CCSER1: variants seen among roughly 807,000 people sequenced by gnomAD.
CCSER1 encodes the protein serine-rich coiled-coil domain-containing protein 1.
Under a neutral mutation model 82.0 loss-of-function variants are expected in CCSER1, and 41 were observed. The observed-to-expected ratio is 0.50, with a 90% confidence interval of 0.39 to 0.65. The LOEUF (loss-of-function observed/expected upper bound fraction) is 0.65, where lower values mean the gene tolerates loss of function less well. CCSER1 is among the 30% of genes least tolerant of loss of function. The pLI is 0.00. For missense variants in CCSER1, 1,119 were observed against 1,064.2 expected, an observed-to-expected ratio of 1.05 and a Z score of -0.72; for synonymous variants, 414 against 383.9, an observed-to-expected ratio of 1.08 and a Z score of -0.92.
intron 6 of CCSER1, among the ~76,000 whole-genome samples, chr4:90,657,882 T>C (rs1729994330): frequency 6.6e-6 from 1 of 152,194 alleles, no homozygotes; most frequent in South Asian, 2.1e-4. Context: ...GGAGGGTGGA[T>C]TGCTTGAGGC....
intron 8 of CCSER1, among the ~76,000 whole-genome samples, chr4:90,822,386 C>T (rs970418127): frequency 2.0e-5 from 3 of 152,198 alleles, no homozygotes; most frequent in Admixed American, 1.3e-4. Context: ...TCTAGCCGAT[C>T]GGGGTAAAAT....
At chr4:91,567,671 G>T (rs1578809907) in intron 10 of CCSER1, among the ~76,000 whole-genome samples, 1 of 151,840 alleles carries the variant, frequency 6.6e-6, no homozygotes, top group East Asian at 1.9e-4. Context: ...TTTGAAATTT[G>T]TTTTGTCTGA....
chr4:90,701,963 A>G (rs1331665175), intron 6 of CCSER1, among the ~76,000 whole-genome samples: 5 of 152,054 alleles, frequency 3.3e-5, no homozygotes, highest in Non-Finnish European at 5.9e-5. Flanking sequence ...AATATGCTTT[A>G]TTTCTTTCTC....
chr4:90,337,998 T>G (rs1289294973), intron 3 of CCSER1, among the ~76,000 whole-genome samples: 1 of 152,204 alleles, frequency 6.6e-6, no homozygotes, highest in African/African-American at 2.4e-5. Flanking sequence ...TCCTCACAGT[T>G]TAGTTGAAGG....
At position 90,847,268 on chromosome 4, in the gene CCSER1, A is replaced by G. The variant is rs1763334090; in HGVS notation, c.2094+31423A>G. Among the ~76,000 whole-genome samples the G allele has an allele frequency of 1.3e-5, 2 of 152,174 alleles. 1 individual carries two copies. The highest frequency in any genetic ancestry group is 4.1e-4 in the South Asian group (2 of 4,828). On this transcript the variant is annotated intron_variant, in intron 8 of 10. Transcript: ENST00000509176. ...AAAAAAATGATTTCCATTCCATTTA[A>G]AGAACACTGGGACAGATGTATGCAT...
chr4:91,273,519 G>T (rs568676366), intron 10 of CCSER1, among the ~76,000 whole-genome samples: 9 of 152,170 alleles, frequency 5.9e-5, no homozygotes, highest in Non-Finnish European at 1.0e-4. Context: ...AGTCTTTAGG[G>T]TTTTCTAGGA....
chr4:90,242,050 T>C (rs895772234), intron 1 of CCSER1, among the ~76,000 whole-genome samples: 3 of 152,214 alleles, frequency 2.0e-5, no homozygotes, highest in Admixed American at 6.5e-5. Flanking sequence ...CTCCCACCTA[T>C]AATCCCAGCA....
At chr4:91,214,503 A>C (rs1401123242) in intron 10 of CCSER1, among the ~76,000 whole-genome samples, 1 of 152,184 alleles carries the variant, frequency 6.6e-6, no homozygotes, top group Non-Finnish European at 1.5e-5. Flanking sequence ...AATGCTACTT[A>C]AAATTCTTTT....
intron 4 of CCSER1, among the ~76,000 whole-genome samples, chr4:90,420,102 T>C (rs1321701589): frequency 6.6e-6 from 1 of 151,996 alleles, no homozygotes; most frequent in African/African-American, 2.4e-5. Context: ...CACAAGACTA[T>C]ATAATTATCG....
chr4:90,661,012 T>A (rs1026264176), intron 6 of CCSER1, among the ~76,000 whole-genome samples: 5 of 152,156 alleles, frequency 3.3e-5, no homozygotes, highest in African/African-American at 9.6e-5. Flanking sequence ...CTGGAATAAA[T>A]AACTGCTGTA....
chr4:90,605,860 C>T (rs1784636193), intron 5 of CCSER1, among the ~76,000 whole-genome samples: 1 of 151,838 alleles, frequency 6.6e-6, no homozygotes, highest in South Asian at 2.1e-4. Flanking sequence ...TTGAGTTCAA[C>T]AATGTATTCT....
At chr4:90,935,482 A>C (rs911677364) in intron 9 of CCSER1, among the ~76,000 whole-genome samples, 1 of 152,202 alleles carries the variant, frequency 6.6e-6, no homozygotes, top group African/African-American at 2.4e-5. Context: ...TTTTTTAAAA[A>C]TAAATAAACT....
chr4:90,633,700 G>T (rs1452071286), intron 6 of CCSER1, among the ~76,000 whole-genome samples: 2 of 151,686 alleles, frequency 1.3e-5, no homozygotes, highest in Non-Finnish European at 3.0e-5. Flanking sequence ...TAAAATTATT[G>T]GTATAAAGCC....
Position 91,559,748 on chromosome 4 carries a change from A to G in CCSER1, c.2218-38824A>G, listed in dbSNP as rs201966694. 2.8e-4 allele frequency among the ~76,000 whole-genome samples: 43 copies of G among 151,404 alleles called. 1 individual carries two copies. The East Asian group carries it at 6.6e-3, about 23-fold the overall frequency. ...ATATTATTCTCATCCATGTTGCTTT[A>G]TAAGTCATTATTAGAAAAATTATAT... On this transcript the variant is annotated intron_variant, in intron 10 of 10. Transcript: ENST00000509176.
At chr4:91,266,006 C>A (rs13120196) in intron 10 of CCSER1, among the ~76,000 whole-genome samples, 1 of 151,746 alleles carries the variant, frequency 6.6e-6, no homozygotes, top group Non-Finnish European at 1.5e-5. Context: ...GTAGAAGCCC[C>A]TTGTAAAACC....
intron 7 of CCSER1, among the ~76,000 whole-genome samples, chr4:90,750,250 C>T (rs547840370): frequency 7.9e-5 from 12 of 151,972 alleles, no homozygotes; most frequent in East Asian, 7.7e-4. Context: ...GTTGCCTGTT[C>T]GCTCTGATGG....
At chr4:90,266,574 G>A (rs1381118568) in intron 1 of CCSER1, among the ~76,000 whole-genome samples, 2 of 152,074 alleles carry the variant, frequency 1.3e-5, no homozygotes, top group Non-Finnish European at 2.9e-5. Context: ...GAAGATGGTA[G>A]GAAAGAAAGT....
intron 9 of CCSER1, among the ~76,000 whole-genome samples, chr4:90,925,121 G>A (rs981714425): frequency 9.2e-5 from 14 of 152,034 alleles, no homozygotes; most frequent in African/African-American, 3.1e-4. Flanking sequence ...CTATAAATCT[G>A]CAAGACAGAG....
chr4:91,086,060 G>A (rs1581519939), intron 10 of CCSER1, 66 bp downstream of exon 10: 1 of 925,538 alleles, frequency 1.1e-6, no homozygotes, highest in South Asian at 1.5e-5. Context: ...GCAGTGATGT[G>A]GTGATGGTGA....
Sources: gnomAD v4.1 joint callset for allele counts (sites outside exome capture counted in the v4.1 genomes callset) on GRCh38, gnomAD v4.1.1 for gene constraint, MANE v1.5 for transcripts, NCBI Gene and HGNC (gene_info 2026-07-23, HGNC 2026-07-21) for gene names.